The following TNC variants were observed in gnomAD, a reference collection of about 807,000 sequenced individuals.
TNC encodes the protein tenascin C.
Under a neutral mutation model 202.4 loss-of-function variants are expected in TNC, and 109 were observed. The observed-to-expected ratio is 0.54, with a 90% CI of 0.46 to 0.63. The LOEUF is 0.63. TNC is among the 30% of genes least tolerant of loss of function. The pLI is 0.00. For synonymous variants in TNC, 1,007 were observed against 1,089.7 expected (o/e 0.92, Z 1.50); for missense variants, 2,756 against 2,833.3 (o/e 0.97, Z 0.62).
chr9:115,057,395 A>T lies in TNC; in HGVS notation c.4337T>A (p.Val1446Asp). ...GAAGCTCTCGGGAGTTATGTCAGAA[A>T]CATTTAAGTTTCCAATTTCAGGTTC... The part of the protein sequence containing the change: ...AKEPEIGNLN[V>D]SDITPESFNL... Residue 1446 changes from valine to aspartate, a missense_variant, in exon 15 of 28, where the codon GTT (valine) becomes GAT (aspartate). By Grantham distance (152) the Val-to-Asp change is radical. Transcript: ENST00000350763. 1 of 1,611,672 alleles carries T rather than the reference A, an allele frequency of 6.2e-7. No individual in the cohort carries two copies. Among genetic ancestry groups the T allele is most frequent in the Admixed American group, 1.7e-5 (1 of 59,878 alleles).
intron 10 of TNC, among the ~76,000 whole-genome samples, chr9:115,069,649 TCCC>T: frequency 7.3e-5 from 1 of 13,686 alleles, no homozygotes; most frequent in Non-Finnish European, 1.2e-4. Flanking sequence ...CCTTCCTCCC[TCCC>T]TCCCTCCCTC....
chr9:115,026,149 C>T (rs116317942), intron 26 of TNC, among the ~76,000 whole-genome samples: 5 of 152,114 alleles, frequency 3.3e-5, no homozygotes, highest in Non-Finnish European at 5.9e-5. Flanking sequence ...TTCACAAGAT[C>T]GCCAGTGGGT....
At chr9:115,083,830 C>T (rs367644600) in intron 4 of TNC, among the ~76,000 whole-genome samples, 20 of 152,122 alleles carry the variant, frequency 1.3e-4, no homozygotes, top group Admixed American at 6.5e-4. Context: ...GTCTTGAACT[C>T]GTGACCCCAG....
In TNC at chr9:115,077,968, G is replaced by T. The variant is rs1834005494; in HGVS notation, c.2649C>A (p.Asn883Lys). 1.9e-6 allele frequency: 3 copies of T among 1,614,052 alleles called. No individual in the cohort carries two copies. The highest frequency in any genetic ancestry group is 2.2e-5 in the South Asian group (2 of 91,082). The change falls in exon 7 of 28, where the codon AAC becomes AAA. Residue 883 changes from asparagine (N) to lysine (K), a missense_variant. Around this residue, in one of 2 missense-constraint regions of TNC, gnomAD observed 2,559 missense variants for 2,546.0 expected, o/e 1.01. Transcript: ENST00000350763. ...CTGTTGTGAAGGTCTCTTTGGCTGG[G>T]TTGCTTGACATGTCACCTCTGCGGG... ...LISRRGDMSS[N>K]PAKETFTTGL...
At chr9:115,022,605 T>C (rs1452123350) in intron 27 of TNC, among the ~76,000 whole-genome samples, 1 of 152,118 alleles carries the variant, frequency 6.6e-6, no homozygotes, top group Non-Finnish European at 1.5e-5. Context: ...GAACTTTGTA[T>C]TATACGAGTA....
chr9:115,107,344 AT>A (rs1836695964), intron 1 of TNC, among the ~76,000 whole-genome samples: 1 of 152,176 alleles, frequency 6.6e-6, no homozygotes, highest in South Asian at 2.1e-4. Context: ...ATAAAACTTT[AT>A]TTACAAAAAT....
intron 1 of TNC, among the ~76,000 whole-genome samples, chr9:115,115,743 C>T (rs909310025): frequency 6.6e-6 from 1 of 152,132 alleles, no homozygotes; most frequent in African/African-American, 2.4e-5. Flanking sequence ...TGCACACAGC[C>T]TGGTTTCATG....
chr9:115,066,568 G>C (rs1832969248), intron 10 of TNC, among the ~76,000 whole-genome samples: 1 of 152,120 alleles, frequency 6.6e-6, no homozygotes, highest in Non-Finnish European at 1.5e-5. Flanking sequence ...CTTCCTGCTT[G>C]TTTCATATTG....
rs1370895583 is a variant in TNC, at chr9:115,076,392, G to T, written c.2858C>A (p.Thr953Lys). ...GCTTGCAGAGATGCAGAGCTCACCT[G>T]TGAGTGTGGTTTTGGTTGTGGCTTG... ...SQQATTKTTL[T>K]GLRPGTEYGI... is the part of the protein sequence containing the mutation. Residue 953 changes from threonine (T) to lysine (K), a missense_variant and splice_region_variant, in exon 8 of 28, where the codon ACA becomes AAA. This residue lies in a region of TNC where 2,559 missense variants were observed against 2,546.0 expected (regional missense o/e 1.01). Coordinates refer to ENST00000350763, the MANE Select transcript of TNC (RefSeq NM_002160.4). The T allele has an allele frequency of 6.2e-7, 1 of 1,614,074 alleles. No homozygotes were observed. The highest frequency in any genetic ancestry group is 8.5e-7 in the Non-Finnish European group (1 of 1,179,980).
chr9:115,080,866 C>T (rs887052945), intron 6 of TNC, among the ~76,000 whole-genome samples: 20 of 149,502 alleles, frequency 1.3e-4, no homozygotes, highest in Admixed American at 2.7e-4. Flanking sequence ...GAACTGAGAT[C>T]GTTCCACTGC....
At position 115,020,531 on chromosome 9, in the gene TNC, A is replaced by C; in HGVS notation, c.*626T>G. The C allele has an allele frequency of 4.4e-6, 1 of 229,014 alleles. No homozygotes were observed. Among genetic ancestry groups the C allele is most frequent in the Non-Finnish European group, 8.7e-6 (1 of 114,288 alleles). The allele number at this position is 229,014 out of a possible 1,614,324, so 14.2% of individuals were successfully genotyped here. On this transcript the variant is annotated 3_prime_UTR_variant, in exon 28 of 28. Transcript: ENST00000350763. ...CTCAACAATTCAAAGCAAAATAACA[A>C]ACTCAAAAGTACTTGTGCTTTTATT...
At chr9:115,033,703 A>T (rs1165625744) in intron 22 of TNC, among the ~76,000 whole-genome samples, 1 of 152,216 alleles carries the variant, frequency 6.6e-6, no homozygotes, top group African/African-American at 2.4e-5. Context: ...GGATACAGCC[A>T]CTCATCTCTA....
chr9:115,078,934 T>A (rs1294283912), intron 6 of TNC, among the ~76,000 whole-genome samples: 1 of 152,198 alleles, frequency 6.6e-6, no homozygotes, highest in Non-Finnish European at 1.5e-5. Flanking sequence ...TCTAAAAATC[T>A]CCTATGCATC....
chr9:115,056,059 A>T (rs1438967386), intron 15 of TNC, among the ~76,000 whole-genome samples: 1 of 152,228 alleles, frequency 6.6e-6, no homozygotes, highest in African/African-American at 2.4e-5. Context: ...GAATGAGGAC[A>T]GACCCTCTCT....
chr9:115,028,904 A>C (rs1829715590), intron 25 of TNC, among the ~76,000 whole-genome samples: 1 of 128,670 alleles, frequency 7.8e-6, no homozygotes. Context: ...TTAAATACTA[A>C]AGCTCTCAAC....
chr9:115,048,576 G>T, intron 15 of TNC, 44 bp from the exon 16 acceptor site: 1 of 1,573,820 alleles, frequency 6.4e-7, no homozygotes, highest in South Asian at 1.2e-5. Context: ...TAGCAGCACT[G>T]ACTCTGTCAG....
intron 22 of TNC, 51 bp from the exon 23 acceptor site, chr9:115,031,736 G>A (rs1588007245): frequency 6.3e-7 from 1 of 1,584,008 alleles, no homozygotes; most frequent in Non-Finnish European, 8.6e-7. Context: ...AAATTCTCAG[G>A]GTATAGATAA....
In TNC at chr9:115,049,650, T is replaced by C. The variant is rs533033269; in HGVS notation, c.4580-1118A>G. On this transcript the variant is annotated intron_variant, in intron 15 of 27. Transcript: ENST00000350763. Reference sequence around the variant, plus strand: ...CTAGGTGTTTTTTCTTTTTTCTTTTTTTTTTTCTGACAGTACTGGTAAATG... The same window carrying C: ...CTAGGTGTTTTTTCTTTTTTCTTTTCTTTTTTCTGACAGTACTGGTAAATG... Among the ~76,000 whole-genome samples the C allele has an allele frequency of 9.4e-5, 14 of 148,634 alleles. No individual in the cohort carries two copies. In the Middle Eastern group the frequency reaches 0.01, roughly 110 times the overall value.
chr9:115,029,298 G>C, intron 25 of TNC, 62 bp downstream of exon 25: 24 of 1,501,472 alleles, frequency 1.6e-5, no homozygotes, highest in Non-Finnish European at 2.1e-5. Context: ...CTGTGGGTTA[G>C]GAAAAGTGAC....
Sources: gnomAD v4.1 joint callset for allele counts (sites outside exome capture counted in the v4.1 genomes callset) on GRCh38, gnomAD v4.1.1 for gene constraint, gnomAD v4.1.1 regional missense constraint, MANE v1.5 for transcripts, NCBI Gene and HGNC (gene_info 2026-07-23, HGNC 2026-07-21) for gene names.